LRRC46: variants seen among roughly 807,000 people sequenced by gnomAD.
The protein encoded by LRRC46 is leucine rich repeat containing 46.
A neutral mutation model predicts 28.0 loss-of-function variants in LRRC46; 20 were observed. That is an observed-to-expected ratio of 0.71 (90% CI 0.50 to 1.04). The LOEUF (loss-of-function observed/expected upper bound fraction) is 1.04, where lower values mean the gene tolerates loss of function less well. LRRC46 is among the 50% of genes least tolerant of loss of function. The pLI is 0.00. For synonymous variants in LRRC46, 156 were observed against 158.8 expected (o/e 0.98, Z 0.13); for missense variants, 315 against 390.1 (o/e 0.81, Z 1.62).
In LRRC46 at chr17:47,837,439, G is replaced by T. The variant is rs775812184; in HGVS notation, c.*319G>T. On this transcript the variant is annotated 3_prime_UTR_variant, in exon 8 of 8. Transcript: ENST00000269025. ...AAGCGGGCACCACCTCATGGAAGAG[G>T]CATGCCATCTCACTGCCACCCCTAG... is the stretch of plus-strand genomic sequence containing the variant. 12 of 419,926 alleles carry T rather than the reference G, an allele frequency of 2.9e-5. No individual in the cohort carries two copies. Among genetic ancestry groups the T allele is most frequent in the Admixed American group, 4.5e-5 (1 of 22,358 alleles). The allele number at this position is 419,926 out of a possible 1,614,324, so 26.0% of individuals were successfully genotyped here.
chr17:47,832,988 G>T (rs1379035721), intron 2 of LRRC46, among the ~76,000 whole-genome samples: 1 of 152,216 alleles, frequency 6.6e-6, no homozygotes, highest in African/African-American at 2.4e-5. Context: ...CAGAGTATGT[G>T]TGGATGGGAG....
chr17:47,833,891 C>T, intron 2 of LRRC46: 1 of 983,532 alleles, frequency 1.0e-6, no homozygotes, highest in Non-Finnish European at 1.2e-6. Context: ...GCTGGGAGTA[C>T]AGGGTAAGCC....
intron 3 of LRRC46, 99 bp from the exon 4 acceptor site, chr17:47,835,254 A>G (rs1484069062): frequency 1.1e-5 from 14 of 1,229,424 alleles, no homozygotes; most frequent in Non-Finnish European, 1.2e-6. Flanking sequence ...CCAGATCTCC[A>G]GCTGCAGAGT....
chr17:47,834,937 C>T (rs1303174810), intron 3 of LRRC46: 2 of 224,068 alleles, frequency 8.9e-6, no homozygotes, highest in Non-Finnish European at 1.8e-5. Flanking sequence ...TCAGCCTTCC[C>T]CTGGTTGAGT....
intron 2 of LRRC46, chr17:47,833,822 C>A: frequency 5.0e-6 from 2 of 400,974 alleles, no homozygotes; most frequent in South Asian, 1.0e-4. Flanking sequence ...ATAATCATGG[C>A]ACACTGCAGC....
intron 4 of LRRC46, 50 bp downstream of exon 4, chr17:47,835,449 G>T (rs2033682750): frequency 6.2e-7 from 1 of 1,602,378 alleles, no homozygotes; most frequent in East Asian, 2.2e-5. Context: ...GGGGAACCTA[G>T]CCATATCCCA....
Position 47,836,581 on chromosome 17 carries a change from G to A in LRRC46, c.595+106G>A. The A allele has an allele frequency of 1.3e-6, 2 of 1,521,396 alleles. No individual in the cohort carries two copies. Among genetic ancestry groups the A allele is most frequent in the South Asian group, 1.3e-5 (1 of 78,524 alleles). The allele number at this position is 1,521,396 out of a possible 1,614,324, so 94.2% of individuals were successfully genotyped here. On this transcript the variant is annotated intron_variant, in intron 7 of 7. Coordinates refer to ENST00000269025, the MANE Select transcript of LRRC46 (RefSeq NM_033413.4). The surrounding 1 kb of genome is among the most constrained non-coding windows in gnomAD (Gnocchi z 5.8). The stretch of plus-strand genomic sequence containing the variant: ...TGGCGTCCGGGGAGGGGAGCCCCAA[G>A]TTCAGATCAACATCTGGGCCAGAGC...
chr17:47,833,233 A>T (rs2033655066), intron 2 of LRRC46, among the ~76,000 whole-genome samples: 1 of 151,920 alleles, frequency 6.6e-6, no homozygotes, highest in South Asian at 2.1e-4. Context: ...GCATTCCCTG[A>T]TTCCTCCTAC....
intron 2 of LRRC46, chr17:47,834,156 T>C: frequency 9.1e-7 from 1 of 1,097,078 alleles, no homozygotes; most frequent in Non-Finnish European, 1.1e-6. Context: ...CCAGAAACCA[T>C]AAGCTGCCAT....
Position 47,836,673 on chromosome 17 carries a change from T to A in LRRC46, c.596-77T>A. On this transcript the variant is annotated intron_variant, in intron 7 of 7. Coordinates refer to ENST00000269025, the MANE Select transcript of LRRC46 (RefSeq NM_033413.4). This position sits in a 1 kb window ranked among gnomAD's most constrained non-coding sequence, Gnocchi z 5.8. ...AAGGGACAAGGGGCCAGCCAGAGAC[T>A]TCCCTGAGCCCAGGGACCCTCCTGC... 6.4e-7 allele frequency: 1 copy of A among 1,562,622 alleles called. No homozygotes were observed. The highest frequency in any genetic ancestry group is 8.6e-7 in the Non-Finnish European group (1 of 1,156,800).
chr17:47,833,615 A>AT (rs1222487098), intron 2 of LRRC46, among the ~76,000 whole-genome samples: 1 of 150,526 alleles, frequency 6.6e-6, no homozygotes, highest in Admixed American at 6.6e-5. Context: ...CACCCGGCTA[A>AT]TTTTTTTTGT....
intron 3 of LRRC46, 153 bp from the exon 4 acceptor site, chr17:47,835,200 T>C (rs2033678982): frequency 1.2e-6 from 1 of 805,498 alleles, no homozygotes. Context: ...TTTCTTAAGG[T>C]AGTGGCAACC....
In LRRC46 at chr17:47,831,965, G is replaced by A; in HGVS notation, c.-25G>A. The A allele has an allele frequency of 6.2e-7, 1 of 1,613,006 alleles. No individual in the cohort carries two copies. Among genetic ancestry groups the A allele is most frequent in the Non-Finnish European group, 8.5e-7 (1 of 1,180,026 alleles). On this transcript the variant is annotated 5_prime_UTR_variant, in exon 1 of 8. Coordinates refer to ENST00000269025, the MANE Select transcript of LRRC46 (RefSeq NM_033413.4). ...CTCTTTTCGTTCCTCTCCCGCCTCA[G>A]ACCAGCAGCCTTTTATTTTAGATCA...
At position 47,833,943 on chromosome 17, in the gene LRRC46, G is replaced by A. The variant is rs1371951420; in HGVS notation, c.117-482G>A. The A allele has an allele frequency of 7.1e-6, 7 of 985,678 alleles. No individual in the cohort carries two copies. In the East Asian group the frequency reaches 6.8e-4, roughly 96 times the overall value. The allele number at this position is 985,678 out of a possible 1,614,324, so 61.1% of individuals were successfully genotyped here. The stretch of plus-strand genomic sequence containing the variant: ...CCTGCTTCTTTATTAGTGGTGGGCA[G>A]AGACTCTGTCATTTGTCTCTAGTAG... On this transcript the variant is annotated intron_variant, in intron 2 of 7. Coordinates refer to ENST00000269025, the MANE Select transcript of LRRC46 (RefSeq NM_033413.4).
chr17:47,833,140 A>G (rs1422020773), intron 2 of LRRC46, among the ~76,000 whole-genome samples: 2 of 151,930 alleles, frequency 1.3e-5, no homozygotes, highest in African/African-American at 4.8e-5. Flanking sequence ...AGCATGTACT[A>G]TTCCTTCTGC....
At chr17:47,832,735 G>A (rs118089629) in intron 2 of LRRC46, among the ~76,000 whole-genome samples, 3,472 of 152,306 alleles carry the variant, frequency 0.023, 46 homozygotes, top group Middle Eastern at 0.058. Flanking sequence ...ATGGGGTCTT[G>A]CTCTGTTGGC....
rs2033696451 is a variant in LRRC46 at position 47,836,389 on chromosome 17, T to G, written c.509T>G (p.Val170Gly). 1 of 1,614,090 alleles carries G rather than the reference T, an allele frequency of 6.2e-7. No individual in the cohort carries two copies. Among genetic ancestry groups the G allele is most frequent in the Non-Finnish European group, 8.5e-7 (1 of 1,179,996 alleles). ...LLLDLDGQPV[V>G]ERWISDEEDE... ...CTGGACCTGGACGGGCAGCCTGTGG[T>G]GGAGCGCTGGATTTCGGATGAGGAG... The change falls in exon 7 of 8, where the codon GTG becomes GGG. Residue 170 changes from valine (V) to glycine (G), a missense_variant. Transcript: ENST00000269025. The surrounding 1 kb of genome is among the most constrained non-coding windows in gnomAD (Gnocchi z 5.8).
Position 47,836,666 on chromosome 17 carries a change from C to T in LRRC46, c.596-84C>T. 1.3e-6 allele frequency: 2 copies of T among 1,555,282 alleles called. No individual in the cohort carries two copies. The highest frequency in any genetic ancestry group is 1.4e-5 in the African/African-American group (1 of 72,252). ...TTCCCACAAGGGACAAGGGGCCAGCCAGAGACTTCCCTGAGCCCAGGGACC... is the reference window on the plus strand; with the variant it reads ...TTCCCACAAGGGACAAGGGGCCAGCTAGAGACTTCCCTGAGCCCAGGGACC... On this transcript the variant is annotated intron_variant, in intron 7 of 7. Transcript: ENST00000269025. The surrounding 1 kb of genome is among the most constrained non-coding windows in gnomAD (Gnocchi z 5.8).
At position 47,837,200 on chromosome 17, in the gene LRRC46, C is replaced by CCAT; in HGVS notation, c.*82_*84dup. 6.4e-7 allele frequency: 1 copy of CCAT among 1,551,352 alleles called. No individual in the cohort carries two copies. Among genetic ancestry groups the CCAT allele is most frequent in the South Asian group, 1.2e-5 (1 of 82,382 alleles). On this transcript the variant is annotated 3_prime_UTR_variant, in exon 8 of 8. Coordinates refer to ENST00000269025, the MANE Select transcript of LRRC46 (RefSeq NM_033413.4). Reference sequence around the variant, plus strand: ...CAGACCTCTGACCTGTGACAGAAGCCCATCCCCAGTAAAGTGTCTCTAGGC... The same window carrying CCAT: ...CAGACCTCTGACCTGTGACAGAAGCCCATCATCCCCAGTAAAGTGTCTCTAGGC...
Sources: allele counts gnomAD v4.1 joint callset (sites outside exome capture counted in the v4.1 genomes callset), GRCh38; gene constraint gnomAD v4.1.1; non-coding constraint Gnocchi (gnomAD v3.1); transcripts MANE v1.5; gene names NCBI Gene and HGNC (gene_info 2026-07-23, HGNC 2026-07-21).